TSBP1: variants seen among roughly 807,000 people sequenced by gnomAD.
The protein encoded by TSBP1 is testis expressed basic protein 1.
TSBP1 carries 56 observed loss-of-function variants against 68.8 expected under a neutral mutation model. The ratio of observed to expected loss-of-function variants is 0.81; its 90% confidence interval spans 0.66 to 1.02. The LOEUF is 1.02. Ranked by LOEUF, TSBP1 falls within the 50% of genes least tolerant of loss-of-function variation. The pLI, the probability that TSBP1 is intolerant of heterozygous loss-of-function variation, is 0.00. For synonymous variants in TSBP1, 171 were observed against 208.7 expected (o/e 0.82, Z 1.56); for missense variants, 502 against 641.2 (o/e 0.78, Z 2.34).
chr6:32,308,772 T>C (rs9268187), intron 19 of TSBP1, among the ~76,000 whole-genome samples: 31,937 of 151,836 alleles, frequency 0.21, 3,554 homozygotes, highest in East Asian at 0.22. Flanking sequence ...CCATAAATAT[T>C]CAAATGTATA....
intron 4 of TSBP1, 85 bp from the exon 5 acceptor site, chr6:32,366,387 C>T: frequency 1.6e-6 from 2 of 1,229,840 alleles, no homozygotes; most frequent in Non-Finnish European, 2.4e-6. Context: ...ATCTGTTTAC[C>T]TCTTCCTCTT....
At position 32,315,337 on chromosome 6, in the gene TSBP1, CG is replaced by C. The variant is rs200979108; in HGVS notation, c.580+434del. Among the ~76,000 whole-genome samples the C allele has an allele frequency of 7.4e-3, 1,119 of 151,968 alleles. 14 individuals carry two copies. Among genetic ancestry groups the C allele is most frequent in the Non-Finnish European group, 0.012 (819 of 67,952 alleles). ...CAGCACTTTGGGAGGCCAACGCGGG[CG>C]GATCACTTGAGGTCAGGAGTTCAAG... On this transcript the variant is annotated intron_variant, in intron 19 of 22. Transcript: ENST00000612031. The surrounding 1 kb of genome is among the most constrained non-coding windows in gnomAD (Gnocchi z 5.4).
intron 22 of TSBP1, among the ~76,000 whole-genome samples, chr6:32,295,353 A>C (rs2038189): frequency 0.097 from 10,480 of 107,684 alleles, 456 homozygotes; most frequent in African/African-American, 0.16. Flanking sequence ...CACACACAAA[A>C]AAAAAAAAAA....
chr6:32,343,230 A>G lies in TSBP1; in HGVS notation c.350-3592T>C. The G allele has an allele frequency of 7.1e-7, 1 of 1,399,062 alleles. No homozygotes were observed. Among genetic ancestry groups the G allele is most frequent in the Non-Finnish European group, 9.4e-7 (1 of 1,067,780 alleles). 86.7% of individuals were successfully genotyped at this position (1,399,062 alleles called of 1,614,324 possible). ...ACACCAGAGTTTGAAACAAGAAGAT[A>G]AACTTACTCATGGATCCTTGAGGTA... On this transcript the variant is annotated intron_variant, in intron 9 of 22. Coordinates refer to ENST00000612031, the Ensembl canonical transcript of TSBP1. The surrounding 1 kb of genome is among the most constrained non-coding windows in gnomAD (Gnocchi z 4.3).
chr6:32,312,247 T>A (rs900954616), intron 19 of TSBP1, among the ~76,000 whole-genome samples: 1 of 152,176 alleles, frequency 6.6e-6, no homozygotes, highest in African/African-American at 2.4e-5. Context: ...GAAAAGAACC[T>A]ACAACTAACA....
chr6:32,320,569 T>G (rs1767509635), intron 18 of TSBP1, among the ~76,000 whole-genome samples: 1 of 152,184 alleles, frequency 6.6e-6, no homozygotes, highest in Admixed American at 6.5e-5. Context: ...ACCAAGAGCT[T>G]AACTTTAGCT....
rs1772141917 is a variant in TSBP1 at position 32,355,125 on chromosome 6, TAG to T, written c.256_257del (p.Leu86SerfsTer6). On this transcript the variant is annotated frameshift_variant and splice_region_variant, in exon 8 of 23. Coordinates refer to ENST00000612031, the Ensembl canonical transcript of TSBP1. LOFTEE classifies it high-confidence loss of function. ...GAAAGAAAACCACAAAGCACTTACC[TAG>T]AGAGTTGGTTGATGGTGCTAAAATA... 1.2e-6 allele frequency: 2 copies of T among 1,611,984 alleles called. No homozygotes were observed. Among genetic ancestry groups the T allele is most frequent in the African/African-American group, 1.3e-5 (1 of 74,892 alleles).
At chr6:32,331,530 T>C (rs1769015658) in intron 15 of TSBP1, among the ~76,000 whole-genome samples, 1 of 152,120 alleles carries the variant, frequency 6.6e-6, no homozygotes, top group East Asian at 1.9e-4. Flanking sequence ...GTTCGGGCTG[T>C]GAGAAACATT....
chr6:32,325,932 CA>C lies in TSBP1; in HGVS notation c.515-2319del. 1 of 1,557,130 alleles carries C rather than the reference CA, an allele frequency of 6.4e-7. No homozygotes were observed. The highest frequency in any genetic ancestry group is 8.7e-7 in the Non-Finnish European group (1 of 1,143,226). ...GCTGTGGTGGTGGTGGATATGGTGG[CA>C]GTGAGGATGGCTATAATGGATTTGG... On this transcript the variant is annotated intron_variant, in intron 16 of 22. Transcript: ENST00000612031. The surrounding 1 kb of genome is among the most constrained non-coding windows in gnomAD (Gnocchi z 4.4).
chr6:32,366,309 G>A lies in TSBP1; in HGVS notation c.167-7C>T, dbSNP rs1773704940. The A allele has an allele frequency of 6.3e-7, 1 of 1,598,894 alleles. No homozygotes were observed. The highest frequency in any genetic ancestry group is 8.5e-7 in the Non-Finnish European group (1 of 1,172,100). On this transcript the variant is annotated splice_region_variant and splice_polypyrimidine_tract_variant and intron_variant, in intron 4 of 22. Transcript: ENST00000612031. Reference sequence around the variant, plus strand: ...GAATATGCATGTCGGGATCCTAAAAGAGAAGATAAAAACATAATGAGATTT... The same window carrying A: ...GAATATGCATGTCGGGATCCTAAAAAAGAAGATAAAAACATAATGAGATTT...
chr6:32,313,838 G>T (rs1766670766), intron 19 of TSBP1, among the ~76,000 whole-genome samples: 1 of 152,188 alleles, frequency 6.6e-6, no homozygotes, highest in Admixed American at 6.5e-5. Context: ...CTCTGGACCT[G>T]TGTGGATGGC....
At chr6:32,313,583 T>TCAC (rs1562085209) in intron 19 of TSBP1, among the ~76,000 whole-genome samples, 23 of 151,932 alleles carry the variant, frequency 1.5e-4, no homozygotes, top group African/African-American at 5.3e-4. Context: ...GTATCACTCA[T>TCAC]ATGGTGCTGG....
intron 19 of TSBP1, among the ~76,000 whole-genome samples, chr6:32,309,996 G>A (rs1052083731): frequency 3.3e-5 from 5 of 152,160 alleles, no homozygotes; most frequent in Non-Finnish European, 7.4e-5. Flanking sequence ...GTATGGACAT[G>A]TGAAGTCTGT....
chr6:32,356,413 CT>C (rs1211391052), intron 6 of TSBP1, among the ~76,000 whole-genome samples: 1 of 152,062 alleles, frequency 6.6e-6, no homozygotes, highest in African/African-American at 2.4e-5. Flanking sequence ...AATAATGTTT[CT>C]TGTTTCTCAT....
At chr6:32,368,974 A>G (rs967074690) in intron 2 of TSBP1, among the ~76,000 whole-genome samples, 160 bp from the exon 3 acceptor site, 1 of 152,156 alleles carries the variant, frequency 6.6e-6, no homozygotes, top group Non-Finnish European at 1.5e-5. Flanking sequence ...ATCTCCCATC[A>G]GCCCTGTTTT....
intron 19 of TSBP1, among the ~76,000 whole-genome samples, chr6:32,310,251 AGT>A (rs9279576): frequency 0.64 from 96,628 of 151,410 alleles, 31,168 homozygotes; most frequent in South Asian, 0.8. Context: ...GGCACATGTA[AGT>A]GTGTGTGTGT....
chr6:32,298,683 G>A (rs1415777281), intron 22 of TSBP1, among the ~76,000 whole-genome samples: 1 of 152,198 alleles, frequency 6.6e-6, no homozygotes, highest in African/African-American at 2.4e-5. Flanking sequence ...AGAAGAATGA[G>A]GCTTAAACAC....
chr6:32,349,735 C>T lies in TSBP1; in HGVS notation c.349+5G>A. On this transcript the variant is annotated splice_donor_5th_base_variant and intron_variant, in intron 9 of 22. Transcript: ENST00000612031. ...GCAGAATTGAAGAAAAGTAAAGGAA[C>T]TTACCAATACTTGATCGAGACAGTG... The T allele has an allele frequency of 6.4e-7, 1 of 1,559,164 alleles. No individual in the cohort carries two copies. The highest frequency in any genetic ancestry group is 8.8e-7 in the Non-Finnish European group (1 of 1,131,438).
In TSBP1 at chr6:32,299,943, A is replaced by G; in HGVS notation, c.623-7T>C. 1 of 1,608,012 alleles carries G rather than the reference A, an allele frequency of 6.2e-7. No individual in the cohort carries two copies. Among genetic ancestry groups the G allele is most frequent in the Non-Finnish European group, 8.5e-7 (1 of 1,174,740 alleles). ...TTACCCACAGGAGTCAGTGCTAAAA[A>G]CAAAACACAAAAGAAAGATCAGTGA... On this transcript the variant is annotated splice_polypyrimidine_tract_variant and splice_region_variant and intron_variant, in intron 21 of 22. Transcript: ENST00000612031.
Sources: gnomAD v4.1 joint callset for allele counts (sites outside exome capture counted in the v4.1 genomes callset) on GRCh38, gnomAD v4.1.1 for gene constraint, Gnocchi (gnomAD v3.1) non-coding constraint, MANE v1.5 for transcripts, NCBI Gene and HGNC (gene_info 2026-07-23, HGNC 2026-07-21) for gene names.